The following SNX29 variants were observed in gnomAD, a reference collection of about 807,000 sequenced individuals.
SNX29 encodes sorting nexin 29, also known as sorting nexin-29.
In SNX29, 78 loss-of-function variants were observed where a neutral mutation model predicts 102.1. The observed-to-expected ratio is 0.76, with a 90% CI of 0.64 to 0.92. The LOEUF (loss-of-function observed/expected upper bound fraction) is 0.92, where lower values mean the gene tolerates loss of function less well. SNX29 is among the 40% of genes least tolerant of loss of function. SNX29 has a pLI of 0.00. For missense variants in SNX29, 1,280 were observed against 1,061.7 expected (o/e 1.21, Z -2.86); for synonymous variants, 580 against 414.5 (o/e 1.40, Z -4.85).
chr16:12,261,447 G>C lies in SNX29; in HGVS notation c.1679-16486G>C, dbSNP rs187446618. Among the ~76,000 whole-genome samples the C allele has an allele frequency of 2.6e-3, 358 of 137,034 alleles. 11 individuals are homozygous for C. Among genetic ancestry groups the C allele is most frequent in the African/African-American group, 9.0e-3 (319 of 35,310 alleles). 89.9% of individuals were successfully genotyped at this position (137,034 alleles called of 152,430 possible). A position where few individuals can be genotyped will look rare whatever the true frequency, so the allele number is the denominator to read the frequency against. On this transcript the variant is annotated intron_variant, in intron 14 of 20. Transcript: ENST00000566228. The stretch of plus-strand genomic sequence containing the variant: ...GCTCCGGTCTGTGCACGTGTCCCCC[G>C]CTGGAGTGAGTGTTGGCTGAGCTCG...
intron 16 of SNX29, among the ~76,000 whole-genome samples, chr16:12,368,613 A>G (rs1453429087): frequency 6.6e-6 from 1 of 152,224 alleles, no homozygotes; most frequent in African/African-American, 2.4e-5. Flanking sequence ...GTTATTTGGC[A>G]TGGAGACAGA....
At chr16:12,269,203 C>A (rs113647392) in intron 14 of SNX29, among the ~76,000 whole-genome samples, 1 of 152,132 alleles carries the variant, frequency 6.6e-6, no homozygotes, top group African/African-American at 2.4e-5. Flanking sequence ...CAGGGAGACA[C>A]AGGAGAAAGT....
At chr16:12,389,724 C>T (rs1010703544) in intron 16 of SNX29, among the ~76,000 whole-genome samples, 6 of 152,136 alleles carry the variant, frequency 3.9e-5, no homozygotes, top group African/African-American at 1.4e-4. Context: ...TAGAACCTAC[C>T]CTCATAGGAG....
intron 20 of SNX29, among the ~76,000 whole-genome samples, chr16:12,539,503 G>A (rs577392473): frequency 9.2e-5 from 14 of 152,308 alleles, no homozygotes; most frequent in South Asian, 4.1e-4. Flanking sequence ...ATAAAGTTGC[G>A]TTGGTTCCAG....
At chr16:12,555,880 T>G (rs2078309713) in intron 20 of SNX29, among the ~76,000 whole-genome samples, 1 of 152,158 alleles carries the variant, frequency 6.6e-6, no homozygotes, top group Admixed American at 6.5e-5. Flanking sequence ...AGGCCGTGCT[T>G]TCTGCCCTCC....
At chr16:12,523,406 A>C (rs926620798) in intron 19 of SNX29, among the ~76,000 whole-genome samples, 1 of 151,960 alleles carries the variant, frequency 6.6e-6, no homozygotes, top group South Asian at 2.1e-4. Flanking sequence ...TTGTTTCTTC[A>C]CCTTGCTTGG....
At chr16:12,052,479 A>G in intron 8 of SNX29, 2 of 407,282 alleles carry the variant, frequency 4.9e-6, no homozygotes, top group South Asian at 2.2e-5. Context: ...GGCCTCCCAA[A>G]TTGCTAGGTT....
chr16:12,218,844 G>A (rs1011599092), intron 14 of SNX29, among the ~76,000 whole-genome samples: 2 of 151,904 alleles, frequency 1.3e-5, no homozygotes, highest in Admixed American at 6.6e-5. Context: ...GCGCGACCTC[G>A]GCTCACTGCA....
At chr16:12,090,600 C>G (rs548810096) in intron 11 of SNX29, among the ~76,000 whole-genome samples, 2 of 152,202 alleles carry the variant, frequency 1.3e-5, no homozygotes, top group Non-Finnish European at 2.9e-5. Context: ...TAGGATGCTG[C>G]CTGGTTTCCC....
intron 20 of SNX29, among the ~76,000 whole-genome samples, chr16:12,531,260 C>T (rs773121517): frequency 6.6e-5 from 10 of 152,204 alleles, no homozygotes. Flanking sequence ...GCCCTATGGT[C>T]AGGGCGCACT....
chr16:12,282,015 A>G (rs893747256), intron 15 of SNX29, among the ~76,000 whole-genome samples: 1 of 139,508 alleles, frequency 7.2e-6, no homozygotes, highest in Non-Finnish European at 1.5e-5. Context: ...ACCCGAGAAG[A>G]GGAAGTTGCA....
intron 3 of SNX29, among the ~76,000 whole-genome samples, chr16:12,022,677 T>TG (rs1162168780): frequency 3.3e-5 from 5 of 152,174 alleles, no homozygotes. Context: ...TATATCCAAA[T>TG]GTTCCTTGAC....
intron 20 of SNX29, among the ~76,000 whole-genome samples, chr16:12,548,056 A>G (rs1006930051): frequency 1.3e-5 from 2 of 152,178 alleles, no homozygotes; most frequent in Admixed American, 6.5e-5. Context: ...CACCCCTGGC[A>G]CACACACGGT....
At chr16:12,437,074 G>A (rs1230945295) in intron 18 of SNX29, among the ~76,000 whole-genome samples, 1 of 152,252 alleles carries the variant, frequency 6.6e-6, no homozygotes. Context: ...GACAGTTTGT[G>A]TTCCAGCTTA....
chr16:12,217,584 T>C (rs760068867), intron 14 of SNX29, among the ~76,000 whole-genome samples: 12 of 152,226 alleles, frequency 7.9e-5, no homozygotes, highest in Non-Finnish European at 1.6e-4. Flanking sequence ...CATCCCTGTT[T>C]GGGTGAAACA....
chr16:12,460,425 A>C (rs1462831467), intron 18 of SNX29, among the ~76,000 whole-genome samples: 5 of 152,112 alleles, frequency 3.3e-5, no homozygotes, highest in Non-Finnish European at 7.4e-5. Context: ...AGTGTAACCA[A>C]AGTAGAAAAC....
At chr16:12,046,595 T>C in intron 6 of SNX29, 141 bp downstream of exon 6, 1 of 744,450 alleles carries the variant, frequency 1.3e-6, no homozygotes, top group Non-Finnish European at 2.3e-6. Context: ...CTGTCCTTCT[T>C]TTACTAGGAC....
At chr16:12,428,366 A>G (rs924647432) in intron 18 of SNX29, among the ~76,000 whole-genome samples, 3 of 152,248 alleles carry the variant, frequency 2.0e-5, no homozygotes, top group Non-Finnish European at 2.9e-5. Context: ...AAAATAAGGT[A>G]AGACCAGTCT....
intron 16 of SNX29, among the ~76,000 whole-genome samples, chr16:12,397,147 C>T (rs2083752170): frequency 6.6e-6 from 1 of 152,230 alleles, no homozygotes; most frequent in Non-Finnish European, 1.5e-5. Context: ...CCCACCTTGA[C>T]CTCCCAAAGT....
Sources: allele counts gnomAD v4.1 joint callset (sites outside exome capture counted in the v4.1 genomes callset), GRCh38; gene constraint gnomAD v4.1.1; transcripts MANE v1.5; gene names NCBI Gene and HGNC (gene_info 2026-07-23, HGNC 2026-07-21).